Variants in THEM4 observed in about 807,000 individuals in gnomAD.
THEM4 encodes the protein acyl-coenzyme A thioesterase THEM4.
THEM4 carries 22 observed loss-of-function variants against 25.0 expected under a neutral mutation model. The ratio of observed to expected loss-of-function variants is 0.88; its 90% CI spans 0.63 to 1.26. The LOEUF (loss-of-function observed/expected upper bound fraction) is 1.26. THEM4 is among the 50% of genes most tolerant of loss of function. The pLI, the probability that THEM4 is intolerant of heterozygous loss-of-function variation, is 0.00. For synonymous variants in THEM4, 113 were observed against 105.6 expected, an observed-to-expected ratio of 1.07 and a Z score of -0.43; for missense variants, 286 against 300.3, an observed-to-expected ratio of 0.95 and a Z score of 0.35.
chr1:151,896,596 A>G (rs1166238501), intron 1 of THEM4, among the ~76,000 whole-genome samples: 8 of 152,228 alleles, frequency 5.3e-5, no homozygotes, highest in Non-Finnish European at 1.0e-4. Flanking sequence ...ATAGGGGCAG[A>G]TGGCTGCAGA....
intron 5 of THEM4, 80 bp downstream of exon 5, chr1:151,876,921 A>G: frequency 6.6e-7 from 1 of 1,516,072 alleles, no homozygotes; most frequent in Non-Finnish European, 8.8e-7. Context: ...CAAAACCCAA[A>G]TCAACCAACC....
At chr1:151,891,151 T>C (rs1481565312) in intron 2 of THEM4, 5 of 152,246 alleles carry the variant, frequency 3.3e-5, no homozygotes, top group Non-Finnish European at 7.3e-5. Flanking sequence ...ACTTCTGACC[T>C]TCTGAAGCAG....
chr1:151,887,124 A>G (rs1397539294), intron 4 of THEM4, among the ~76,000 whole-genome samples: 1 of 152,210 alleles, frequency 6.6e-6, no homozygotes, highest in Non-Finnish European at 1.5e-5. Flanking sequence ...CTAATCCAAA[A>G]AGGAAATTAA....
chr1:151,905,693 C>G (rs186108652), intron 1 of THEM4, among the ~76,000 whole-genome samples: 16 of 152,284 alleles, frequency 1.1e-4, no homozygotes, highest in Middle Eastern at 3.4e-3. Context: ...TAAAGTTCCC[C>G]CTTGAATCCC....
At chr1:151,895,635 T>A (rs1475284976) in intron 1 of THEM4, among the ~76,000 whole-genome samples, 1 of 148,584 alleles carries the variant, frequency 6.7e-6, no homozygotes, top group Admixed American at 6.7e-5. Flanking sequence ...TTGACTTGAA[T>A]ATTGATTAGA....
intron 1 of THEM4, among the ~76,000 whole-genome samples, chr1:151,902,045 TG>T (rs556363337): frequency 5.5e-4 from 84 of 152,180 alleles, no homozygotes; most frequent in Middle Eastern, 3.4e-3. Context: ...TCAAAAAGTC[TG>T]AAAGAGCACA....
At position 151,880,155 on chromosome 1, in the gene THEM4, A is replaced by AT. The variant is rs112401808; in HGVS notation, c.558-3031dup. 5.3e-3 allele frequency among the ~76,000 whole-genome samples: 758 copies of AT among 143,630 alleles called. 7 individuals carry two copies. The highest frequency in any genetic ancestry group is 0.016 in the African/African-American group (619 of 39,366). 94.2% of individuals were successfully genotyped at this position (143,630 alleles called of 152,430 possible). Reference sequence around the variant, plus strand: ...ATGTGCACCACCTCACTTGGCTCTGATTTTTTTTTTTTGTCTGCTTGACCT... The same window carrying AT: ...ATGTGCACCACCTCACTTGGCTCTGATTTTTTTTTTTTTGTCTGCTTGACCT... On this transcript the variant is annotated intron_variant, in intron 4 of 5. Coordinates refer to ENST00000368814, the MANE Select transcript of THEM4 (RefSeq NM_053055.5).
In THEM4 at chr1:151,871,470, T is replaced by G. The variant is rs1013982050; in HGVS notation, c.*3418A>C. ...TAGCATCTCTCTCCTTCTTTCTACC[T>G]GTTCTGCCACCTTTTGTTATCTTAC... On this transcript the variant is annotated 3_prime_UTR_variant, in exon 6 of 6. Coordinates refer to ENST00000368814, the MANE Select transcript of THEM4 (RefSeq NM_053055.5). Among the ~76,000 whole-genome samples, 3 of 152,250 alleles carry G rather than the reference T, an allele frequency of 2.0e-5. No homozygotes were observed. The highest frequency in any genetic ancestry group is 4.4e-5 in the Non-Finnish European group (3 of 68,050).
intron 1 of THEM4, among the ~76,000 whole-genome samples, chr1:151,899,092 C>A (rs1654287707): frequency 2.0e-5 from 3 of 152,314 alleles, no homozygotes; most frequent in East Asian, 1.9e-4. Flanking sequence ...AAGAAGAAAT[C>A]CCTGATTTAT....
intron 4 of THEM4, among the ~76,000 whole-genome samples, chr1:151,877,606 A>C (rs140724754): frequency 6.2e-4 from 94 of 152,342 alleles, no homozygotes; most frequent in African/African-American, 2.0e-3. Flanking sequence ...ATAACAGCTT[A>C]CTGCTCTAAG....
rs543388004 is a variant in THEM4 at position 151,871,894 on chromosome 1, T to C, written c.*2994A>G. Among the ~76,000 whole-genome samples the C allele has an allele frequency of 1.3e-5, 2 of 152,332 alleles. No homozygotes were observed. Among genetic ancestry groups the C allele is most frequent in the East Asian group, 1.9e-4 (1 of 5,184 alleles). ...ATTGTCTAAACTTCCTCCCAACTAG[T>C]TAAGTGAAACTAGCTAAATGAGCAG... On this transcript the variant is annotated 3_prime_UTR_variant, in exon 6 of 6. Coordinates refer to ENST00000368814, the MANE Select transcript of THEM4 (RefSeq NM_053055.5).
intron 4 of THEM4, among the ~76,000 whole-genome samples, chr1:151,881,046 C>T (rs1653801040): frequency 6.6e-6 from 1 of 152,106 alleles, no homozygotes; most frequent in African/African-American, 2.4e-5. Flanking sequence ...ATTCTCTCCA[C>T]TGAAAAATAT....
intron 4 of THEM4, among the ~76,000 whole-genome samples, chr1:151,887,433 AT>A (rs1423812775): frequency 1.7e-3 from 244 of 147,134 alleles, no homozygotes; most frequent in African/African-American, 5.3e-3. Context: ...TTGTCTCAAA[AT>A]AATAATAATA....
chr1:151,883,789 C>T (rs1653899778), intron 4 of THEM4, among the ~76,000 whole-genome samples: 1 of 151,494 alleles, frequency 6.6e-6, no homozygotes. Context: ...TTTAAAGGAA[C>T]AAGCACTGGG....
At chr1:151,887,632 G>A (rs908726624) in intron 4 of THEM4, among the ~76,000 whole-genome samples, 1 of 151,862 alleles carries the variant, frequency 6.6e-6, no homozygotes, top group Admixed American at 6.6e-5. Flanking sequence ...GTGTGTGTGT[G>A]TGTTTTTGTT....
At chr1:151,899,368 G>C (rs151083683) in intron 1 of THEM4, among the ~76,000 whole-genome samples, 4,041 of 151,966 alleles carry the variant, frequency 0.027, 187 homozygotes, top group African/African-American at 0.092. Flanking sequence ...GCACACGCCT[G>C]TAGTTCCAGC....
At position 151,883,931 on chromosome 1, in the gene THEM4, C is replaced by T. The variant is rs1014745424; in HGVS notation, c.557+4342G>A. On this transcript the variant is annotated intron_variant, in intron 4 of 5. Coordinates refer to ENST00000368814, the MANE Select transcript of THEM4 (RefSeq NM_053055.5). ...CTCTACTAAAAATACAAAAATTAGCCGGGTATGGTGGCCTATGCCTGTAAT... is the reference window on the plus strand; with the variant it reads ...CTCTACTAAAAATACAAAAATTAGCTGGGTATGGTGGCCTATGCCTGTAAT... Among the ~76,000 whole-genome samples, 9 of 151,700 alleles carry T rather than the reference C, an allele frequency of 5.9e-5. No individual in the cohort carries two copies. In the South Asian group the frequency reaches 6.3e-4, roughly 11 times the overall value.
intron 4 of THEM4, among the ~76,000 whole-genome samples, chr1:151,881,192 G>A (rs981662123): frequency 3.3e-5 from 5 of 151,702 alleles, no homozygotes; most frequent in Non-Finnish European, 5.9e-5. Flanking sequence ...TTTAGAGATG[G>A]GTTCTCAGTC....
At chr1:151,883,363 C>T (rs796508569) in intron 4 of THEM4, among the ~76,000 whole-genome samples, 2 of 152,074 alleles carry the variant, frequency 1.3e-5, no homozygotes, top group African/African-American at 2.4e-5. Flanking sequence ...GATCCACTCA[C>T]CTTGGCCTCC....
Sources: allele counts gnomAD v4.1 joint callset (sites outside exome capture counted in the v4.1 genomes callset), GRCh38; gene constraint gnomAD v4.1.1; transcripts MANE v1.5; gene names NCBI Gene and HGNC (gene_info 2026-07-23, HGNC 2026-07-21).